GPR146: variants seen among roughly 807,000 people sequenced by gnomAD.
GPR146 encodes the protein G protein-coupled receptor 146, also known as G-protein coupled receptor 146.
For missense variants in GPR146, 381 were observed against 213.9 expected (o/e 1.78, Z -4.87); for synonymous variants, 203 against 104.3 (o/e 1.95, Z -5.77).
In GPR146 at chr7:1,044,593, C is replaced by A. The variant is rs1583534439; in HGVS notation, c.-90C>A. On this transcript the variant is annotated 5_prime_UTR_variant, in exon 1 of 2. Coordinates refer to ENST00000444847, the MANE Select transcript of GPR146 (RefSeq NM_001303473.2). Reference sequence around the variant, plus strand: ...CGGGCGGCGTGCGCGCCGTGAGCCCCGCCGCCTCCGCCAGCCCGAGCTGCC... The same window carrying A: ...CGGGCGGCGTGCGCGCCGTGAGCCCAGCCGCCTCCGCCAGCCCGAGCTGCC... 3 of 150,852 alleles carry A rather than the reference C, an allele frequency of 2.0e-5. No homozygotes were observed. The highest frequency in any genetic ancestry group is 4.1e-4 in the South Asian group (2 of 4,832). The allele number at this position is 150,852 out of a possible 1,614,324, so 9.3% of individuals were successfully genotyped here. A position where few individuals can be genotyped will look rare whatever the true frequency, so the allele number is the denominator to read the frequency against.
At chr7:1,054,500 G>T (rs1190257584) in intron 1 of GPR146, among the ~76,000 whole-genome samples, 1 of 152,246 alleles carries the variant, frequency 6.6e-6, no homozygotes, top group Non-Finnish European at 1.5e-5. Flanking sequence ...GGTTCAGGGC[G>T]AGTGGGACGC....
Position 1,052,350 on chromosome 7 carries a change from T to C in GPR146, c.-24-5142T>C, listed in dbSNP as rs1359618972. ...CTGGGTGCCTCCCTAGGGGAGGGCC[T>C]TGGGGCTGCTTGTGCTGGCACCGAC... On this transcript the variant is annotated intron_variant, in intron 1 of 1. Transcript: ENST00000444847. This position sits in a 1 kb window ranked among gnomAD's most constrained non-coding sequence, Gnocchi z 4.2. Among the ~76,000 whole-genome samples, 1 of 152,200 alleles carries C rather than the reference T, an allele frequency of 6.6e-6. No individual in the cohort carries two copies. Among genetic ancestry groups the C allele is most frequent in the East Asian group, 1.9e-4 (1 of 5,186 alleles).
rs1362211127 is a variant in GPR146 at position 1,052,325 on chromosome 7, C to T, written c.-24-5167C>T. Among the ~76,000 whole-genome samples the T allele has an allele frequency of 1.3e-5, 2 of 152,218 alleles. No homozygotes were observed. Among genetic ancestry groups the T allele is most frequent in the Non-Finnish European group, 2.9e-5 (2 of 68,022 alleles). On this transcript the variant is annotated intron_variant, in intron 1 of 1. Coordinates refer to ENST00000444847, the MANE Select transcript of GPR146 (RefSeq NM_001303473.2). The surrounding 1 kb of genome is among the most constrained non-coding windows in gnomAD (Gnocchi z 4.2). The stretch of plus-strand genomic sequence containing the variant: ...ACACTCGCCTGAGAAGAGCCCAGTC[C>T]TGGGTGCCTCCCTAGGGGAGGGCCT...
intron 1 of GPR146, chr7:1,055,523 G>T: frequency 2.2e-6 from 1 of 449,096 alleles, no homozygotes; most frequent in South Asian, 1.6e-5. Context: ...GAGGGGACGT[G>T]GGGGGCTCTG....
rs149711058 is a variant in GPR146 at position 1,057,874 on chromosome 7, C to A, written c.359C>A (p.Thr120Asn). 109 of 777,152 alleles carry A rather than the reference C, an allele frequency of 1.4e-4. No homozygotes were observed. Among genetic ancestry groups the A allele is most frequent in the South Asian group, 2.3e-4 (17 of 74,626 alleles). 48.1% of individuals were successfully genotyped at this position (777,152 alleles called of 1,614,324 possible). ...NVSSLVAMYS[T>N]ALLSLDHYIE... is the part of the protein sequence containing the mutation. ...TCCTCACTGGTGGCCATGTACTCCA[C>A]CGCCCTGCTGAGCCTCGACCACTAC... Residue 120 changes from threonine to asparagine, a missense_variant, in exon 2 of 2, where the codon ACC (threonine) becomes AAC (asparagine). By Grantham distance (65) the Thr-to-Asn change is moderately conservative. Transcript: ENST00000444847.
At position 1,056,304 on chromosome 7, in the gene GPR146, GCTGTGGCGGCA is replaced by G. The variant is rs1437156655; in HGVS notation, c.-24-1180_-24-1170del. 2.0e-5 allele frequency: 3 copies of G among 152,860 alleles called. No individual in the cohort carries two copies. In the Admixed American group the frequency reaches 2.0e-4, roughly 10 times the overall value. 9.5% of individuals were successfully genotyped at this position (152,860 alleles called of 1,614,324 possible). A position where few individuals can be genotyped will look rare whatever the true frequency, so the allele number is the denominator to read the frequency against. On this transcript the variant is annotated intron_variant, in intron 1 of 1. Transcript: ENST00000444847. ...CAGGACCTGGGGGTGCTGTGGCAGC[GCTGTGGCGGCA>G]CTGTGGCTGGGCACACCCAGCAGCG...
At chr7:1,056,538 A>G (rs1783791042) in intron 1 of GPR146, 1 of 152,324 alleles carries the variant, frequency 6.6e-6, no homozygotes, top group Non-Finnish European at 1.5e-5. Flanking sequence ...TGGGGCGCAC[A>G]CTGCTATTGG....
rs566502095 is a variant in GPR146, at chr7:1,056,078, G to A, written c.-24-1414G>A. On this transcript the variant is annotated intron_variant, in intron 1 of 1. Transcript: ENST00000444847. ...CAGAGGCCCGGACGCCCCCCTCACC[G>A]GCCCCCGCCACTGTGCTTGGAGCAG... is the stretch of plus-strand genomic sequence containing the variant. 1.6e-3 allele frequency: 246 copies of A among 153,648 alleles called. 1 individual carries two copies. The highest frequency in any genetic ancestry group is 2.1e-3 in the Non-Finnish European group (148 of 69,090). 9.5% of individuals were successfully genotyped at this position (153,648 alleles called of 1,614,324 possible). A position where few individuals can be genotyped will look rare whatever the true frequency, so the allele number is the denominator to read the frequency against.
intron 1 of GPR146, among the ~76,000 whole-genome samples, chr7:1,055,742 G>A (rs1279463080): frequency 6.6e-6 from 1 of 152,126 alleles, no homozygotes; most frequent in Non-Finnish European, 1.5e-5. Flanking sequence ...GTCAGTGACT[G>A]GAGGCAGCAC....
intron 1 of GPR146, among the ~76,000 whole-genome samples, chr7:1,049,892 C>T (rs1226492971): frequency 6.6e-6 from 1 of 152,178 alleles, no homozygotes; most frequent in Non-Finnish European, 1.5e-5. Flanking sequence ...TGAAGCTGTG[C>T]ACCTGGGCCC....
intron 1 of GPR146, among the ~76,000 whole-genome samples, chr7:1,053,098 C>T (rs909538620): frequency 2.9e-4 from 44 of 152,344 alleles, no homozygotes; most frequent in African/African-American, 1.0e-3. Context: ...CCATTGTTCT[C>T]CAGTTCCAGG....
At chr7:1,047,790 G>A (rs2280725) in intron 1 of GPR146, among the ~76,000 whole-genome samples, 4 of 152,050 alleles carry the variant, frequency 2.6e-5, no homozygotes, top group Non-Finnish European at 5.9e-5. Flanking sequence ...ACAACTGTCC[G>A]GGGACAATAA....
chr7:1,051,026 G>T (rs952499471), intron 1 of GPR146, among the ~76,000 whole-genome samples: 3 of 152,248 alleles, frequency 2.0e-5, no homozygotes, highest in Admixed American at 2.0e-4. Context: ...CTGGGTGGGA[G>T]TGCGCAGCCC....
chr7:1,057,139 A>T (rs1783886307), intron 1 of GPR146, among the ~76,000 whole-genome samples: 1 of 152,088 alleles, frequency 6.6e-6, no homozygotes, highest in Admixed American at 6.6e-5. Context: ...GACATCTAGT[A>T]AACTTCGGGA....
chr7:1,054,653 G>C (rs1220919461), intron 1 of GPR146, among the ~76,000 whole-genome samples: 2 of 152,238 alleles, frequency 1.3e-5, no homozygotes, highest in African/African-American at 4.8e-5. Flanking sequence ...AGTCCAGGCA[G>C]CTTCTCTCTG....
chr7:1,048,590 G>A (rs1583553824), intron 1 of GPR146, among the ~76,000 whole-genome samples: 8 of 152,138 alleles, frequency 5.3e-5, no homozygotes, highest in Admixed American at 4.6e-4. Flanking sequence ...AGTTAGCCCC[G>A]GGTTTCAGCC....
intron 1 of GPR146, chr7:1,055,568 CTG>C: frequency 2.5e-6 from 1 of 398,602 alleles, no homozygotes; most frequent in South Asian, 1.8e-5. Flanking sequence ...GTGGGGGACT[CTG>C]TGCAGCACAG....
rs1000911510 is a variant in GPR146 at position 1,052,228 on chromosome 7, G to A, written c.-24-5264G>A. 6.6e-6 allele frequency among the ~76,000 whole-genome samples: 1 copy of A among 152,248 alleles called. No individual in the cohort carries two copies. The highest frequency in any genetic ancestry group is 1.5e-5 in the Non-Finnish European group (1 of 68,040). On this transcript the variant is annotated intron_variant, in intron 1 of 1. Transcript: ENST00000444847. The surrounding 1 kb of genome is among the most constrained non-coding windows in gnomAD (Gnocchi z 4.2). ...CAGGCTGAGTGGGTGAGGAGCCTCT[G>A]AGCAGGCGCCTGCGTCGAGGCGTGC...
At chr7:1,054,671 G>A (rs1447759190) in intron 1 of GPR146, among the ~76,000 whole-genome samples, 2 of 152,196 alleles carry the variant, frequency 1.3e-5, no homozygotes, top group Non-Finnish European at 2.9e-5. Context: ...CTGACTCCCT[G>A]CAAGGAGGGG....
Sources: gnomAD v4.1 joint callset for allele counts (sites outside exome capture counted in the v4.1 genomes callset) on GRCh38, gnomAD v4.1.1 for gene constraint, Gnocchi (gnomAD v3.1) non-coding constraint, MANE v1.5 for transcripts, NCBI Gene and HGNC (gene_info 2026-07-23, HGNC 2026-07-21) for gene names.